RARB: variants seen among roughly 807,000 people sequenced by gnomAD.
RARB encodes HBV-activated protein.
Under a neutral mutation model 51.9 loss-of-function variants are expected in RARB, and 17 were observed. The observed-to-expected ratio is 0.33, with a 90% CI of 0.22 to 0.49. RARB has a LOEUF of 0.49. RARB is among the 20% of genes least tolerant of loss of function. RARB has a pLI of 0.99. For synonymous variants in RARB, 215 were observed against 195.4 expected, an observed-to-expected ratio of 1.10 and a Z score of -0.84; for missense variants, 369 against 550.8, an observed-to-expected ratio of 0.67 and a Z score of 3.30.
At chr3:24,834,785 G>T (rs1575028705) in intron 1 of RARB, among the ~76,000 whole-genome samples, 2 of 152,190 alleles carry the variant, frequency 1.3e-5, no homozygotes, top group East Asian at 3.8e-4. Flanking sequence ...AGAAGAATTT[G>T]TTCAATTGTA....
At chr3:25,316,398 G>A (rs758409361) in intron 5 of RARB, among the ~76,000 whole-genome samples, 1 of 151,642 alleles carries the variant, frequency 6.6e-6, no homozygotes, top group African/African-American at 2.4e-5. Flanking sequence ...TATTAAAAAT[G>A]GTACAAAGTG....
intron 2 of RARB, among the ~76,000 whole-genome samples, chr3:24,954,910 T>C (rs986935727): frequency 2.0e-5 from 3 of 152,094 alleles, no homozygotes; most frequent in African/African-American, 7.2e-5. Flanking sequence ...GGGGAGTGTT[T>C]TGGGGCTCTG....
In RARB at chr3:25,205,319, C is replaced by G. The variant is rs145158046; in HGVS notation, c.178+30744C>G. ...AGTGACCCGATTTTCCAGGTGCTGC[C>G]TGTCACCCCTTTCCTTGGCTAGGAA... is the stretch of plus-strand genomic sequence containing the variant. On this transcript the variant is annotated intron_variant, in intron 5 of 11. Coordinates refer to the RARB transcript ENST00000383772. 3.2e-3 allele frequency among the ~76,000 whole-genome samples: 490 copies of G among 152,310 alleles called. 4 individuals carry two copies. The highest frequency in any genetic ancestry group is 0.011 in the African/African-American group (459 of 41,560).
intron 5 of RARB, among the ~76,000 whole-genome samples, chr3:25,217,488 C>T (rs1235095005): frequency 6.6e-6 from 1 of 151,678 alleles, no homozygotes; most frequent in Non-Finnish European, 1.5e-5. Context: ...ATGAAAAGGC[C>T]TACTCCCACC....
intron 5 of RARB, among the ~76,000 whole-genome samples, chr3:25,338,920 A>C (rs1386712247): frequency 6.6e-6 from 1 of 152,116 alleles, no homozygotes; most frequent in Non-Finnish European, 1.5e-5. Context: ...GGGGCCTTCA[A>C]AATCGGGTCT....
intron 2 of RARB, among the ~76,000 whole-genome samples, chr3:24,893,850 C>G (rs1408699819): frequency 5.9e-5 from 9 of 152,228 alleles, no homozygotes; most frequent in African/African-American, 2.2e-4. Context: ...TGGATGTAAT[C>G]ATGTGCATTT....
chr3:25,509,342 T>G (rs1000983981), intron 3 of RARB, among the ~76,000 whole-genome samples: 1 of 151,946 alleles, frequency 6.6e-6, no homozygotes, highest in Non-Finnish European at 1.5e-5. Flanking sequence ...CGAATGAGAG[T>G]GGTTGTCTGC....
intron 3 of RARB, among the ~76,000 whole-genome samples, chr3:25,065,555 T>C (rs553799597): frequency 3.4e-4 from 52 of 152,356 alleles, no homozygotes; most frequent in African/African-American, 1.2e-3. Flanking sequence ...TGTTGCTATA[T>C]ATGTGACCAT....
At chr3:25,064,123 T>C (rs553046904) in intron 3 of RARB, among the ~76,000 whole-genome samples, 2 of 152,242 alleles carry the variant, frequency 1.3e-5, no homozygotes, top group Admixed American at 6.5e-5. Context: ...ATGATTGCTT[T>C]AGTGATATAA....
intron 2 of RARB, among the ~76,000 whole-genome samples, chr3:25,480,998 C>A (rs1176785235): frequency 6.6e-6 from 1 of 152,076 alleles, no homozygotes; most frequent in Non-Finnish European, 1.5e-5. Flanking sequence ...TGAGTGCTAG[C>A]CCAGGAACCA....
intron 5 of RARB, among the ~76,000 whole-genome samples, chr3:25,276,398 G>A (rs966634940): frequency 6.6e-6 from 1 of 152,080 alleles, no homozygotes; most frequent in African/African-American, 2.4e-5. Flanking sequence ...AGCATCACAC[G>A]ATACTCAATA....
chr3:25,120,755 C>T (rs1699771397), intron 3 of RARB, among the ~76,000 whole-genome samples: 1 of 152,140 alleles, frequency 6.6e-6, no homozygotes. Flanking sequence ...ACGGAGACTT[C>T]ATAAGCAATA....
At chr3:24,939,432 A>G (rs375229117) in intron 2 of RARB, among the ~76,000 whole-genome samples, 9 of 152,222 alleles carry the variant, frequency 5.9e-5, no homozygotes, top group African/African-American at 2.2e-4. Flanking sequence ...TGCAGGCTGC[A>G]TTATATAGTC....
chr3:24,833,484 A>T (rs1702307115), intron 1 of RARB, among the ~76,000 whole-genome samples: 1 of 152,096 alleles, frequency 6.6e-6, no homozygotes, highest in African/African-American at 2.4e-5. Flanking sequence ...CAACAATTCA[A>T]TTTATGTCTC....
intron 3 of RARB, among the ~76,000 whole-genome samples, chr3:25,546,319 A>G (rs1278837715): frequency 2.0e-5 from 3 of 152,230 alleles, no homozygotes; most frequent in African/African-American, 7.2e-5. Context: ...TGGGGTGAAT[A>G]GCATCCAGGT....
intron 4 of RARB, among the ~76,000 whole-genome samples, chr3:25,141,858 C>T (rs775698914): frequency 5.9e-5 from 9 of 152,026 alleles, no homozygotes; most frequent in Admixed American, 2.6e-4. Context: ...GGCAGCATAA[C>T]GGCATGAAAA....
intron 5 of RARB, among the ~76,000 whole-genome samples, chr3:25,175,263 A>C (rs1700720900): frequency 6.6e-6 from 1 of 152,210 alleles, no homozygotes; most frequent in Non-Finnish European, 1.5e-5. Context: ...TTTAAAGACA[A>C]ACTGTGGTAG....
chr3:25,149,370 T>C (rs1277010059), intron 4 of RARB, among the ~76,000 whole-genome samples: 1 of 152,254 alleles, frequency 6.6e-6, no homozygotes, highest in Non-Finnish European at 1.5e-5. Flanking sequence ...TATGTAAATG[T>C]ACAACCTGTG....
chr3:25,388,775 T>C (rs1387007697), intron 5 of RARB, among the ~76,000 whole-genome samples: 1 of 152,164 alleles, frequency 6.6e-6, no homozygotes. Flanking sequence ...ATGATGGTGT[T>C]GTAAATGTTC....
Sources: gnomAD v4.1 joint callset for allele counts (sites outside exome capture counted in the v4.1 genomes callset) on GRCh38, gnomAD v4.1.1 for gene constraint, MANE v1.5 for transcripts, NCBI Gene and HGNC (gene_info 2026-07-23, HGNC 2026-07-21) for gene names.